CADPS: variants seen among roughly 807,000 people sequenced by gnomAD.
The protein encoded by CADPS is calcium-dependent secretion activator 1.
A neutral mutation model predicts 167.3 loss-of-function variants in CADPS; 57 were observed. That is an observed-to-expected ratio of 0.34 (90% CI 0.28 to 0.42). The LOEUF (loss-of-function observed/expected upper bound fraction) is 0.42, where lower values mean the gene tolerates loss of function less well. Ranked by LOEUF, CADPS falls within the 20% of genes least tolerant of loss-of-function variation. CADPS has a pLI of 1.00. For synonymous variants in CADPS, 676 were observed against 635.3 expected, an observed-to-expected ratio of 1.06 and a Z score of -0.96; for missense variants, 1,414 against 1,738.1, an observed-to-expected ratio of 0.81 and a Z score of 3.32.
rs970709869 is a variant in CADPS, at chr3:62,602,843, G to A, written c.1326-10095C>T. Among the ~76,000 whole-genome samples, 12 of 152,012 alleles carry A rather than the reference G, an allele frequency of 7.9e-5. No individual in the cohort carries two copies. Among genetic ancestry groups the A allele is most frequent in the Non-Finnish European group, 1.3e-4 (9 of 68,012 alleles). ...ACATCTGTTCCTCTAAGGCTTCCCC[G>A]GCTTAGTTAAAGGAACTGCCAGCCA... On this transcript the variant is annotated intron_variant, in intron 6 of 29. Transcript: ENST00000383710. The surrounding 1 kb of genome is among the most constrained non-coding windows in gnomAD (Gnocchi z 4.4).
chr3:62,528,470 A>C (rs2072856141), intron 13 of CADPS, among the ~76,000 whole-genome samples: 2 of 152,218 alleles, frequency 1.3e-5, no homozygotes, highest in African/African-American at 4.8e-5. Context: ...TCCTTATTTT[A>C]ATTAAACTTT....
intron 1 of CADPS, among the ~76,000 whole-genome samples, chr3:62,812,985 A>G (rs1259654479): frequency 1.3e-5 from 2 of 152,170 alleles, no homozygotes; most frequent in Non-Finnish European, 2.9e-5. Flanking sequence ...CACAAATGGA[A>G]AAATATTCCA....
chr3:62,398,555 A>G lies in CADPS; in HGVS notation c.*851T>C, dbSNP rs1389022858. 6.5e-6 allele frequency: 1 copy of G among 152,702 alleles called. No individual in the cohort carries two copies. Among genetic ancestry groups the G allele is most frequent in the African/African-American group, 2.4e-5 (1 of 41,470 alleles). The allele number at this position is 152,702 out of a possible 1,614,324, so 9.5% of individuals were successfully genotyped here. A position where few individuals can be genotyped will look rare whatever the true frequency, so the allele number is the denominator to read the frequency against. ...AAAACAGTGTGGAACAAAATAATTT[A>G]AATTATGGTTACAATCTACTGAAGG... On this transcript the variant is annotated 3_prime_UTR_variant, in exon 30 of 30. Transcript: ENST00000383710.
intron 7 of CADPS, 108 bp from the exon 8 acceptor site, chr3:62,585,432 T>G (rs369301044): frequency 1.5e-5 from 17 of 1,125,902 alleles, no homozygotes. Context: ...ATTCCCACTG[T>G]GGAGCAGCCA....
chr3:62,640,459 G>A lies in CADPS; in HGVS notation c.1325+5263C>T, dbSNP rs554196826. Among the ~76,000 whole-genome samples, 3 of 152,244 alleles carry A rather than the reference G, an allele frequency of 2.0e-5. 1 individual carries two copies. The South Asian group carries it at 6.2e-4, about 32-fold the overall frequency. On this transcript the variant is annotated intron_variant, in intron 6 of 29. Coordinates refer to ENST00000383710, the MANE Select transcript of CADPS (RefSeq NM_003716.4). Reference sequence around the variant, plus strand: ...ATTAGGATGAGTAATATATTTCACAGAAGAAAAATGTTACAGGAAGTTGTT... The same window carrying A: ...ATTAGGATGAGTAATATATTTCACAAAAGAAAAATGTTACAGGAAGTTGTT...
chr3:62,645,608 G>T, intron 6 of CADPS, 114 bp downstream of exon 6: 1 of 1,149,266 alleles, frequency 8.7e-7, no homozygotes, highest in Non-Finnish European at 1.2e-6. Context: ...AATAAACAAG[G>T]TTTATGTCTT....
At chr3:62,429,368 T>C (rs536338894) in intron 28 of CADPS, among the ~76,000 whole-genome samples, 1 of 152,310 alleles carries the variant, frequency 6.6e-6, no homozygotes, top group East Asian at 1.9e-4. Flanking sequence ...GGCCTGTGGA[T>C]CACATTTTGA....
intron 9 of CADPS, among the ~76,000 whole-genome samples, chr3:62,568,877 C>T (rs1446066067): frequency 1.3e-5 from 2 of 152,130 alleles, no homozygotes; most frequent in Non-Finnish European, 2.9e-5. Context: ...TCCATATATT[C>T]ATTTTTTAAA....
At position 62,687,105 on chromosome 3, in the gene CADPS, G is replaced by C. The variant is rs538878706; in HGVS notation, c.889-24711C>G. Among the ~76,000 whole-genome samples the C allele has an allele frequency of 1.5e-4, 23 of 152,264 alleles. No homozygotes were observed. In the Middle Eastern group the frequency reaches 0.024, roughly 158 times the overall value. On this transcript the variant is annotated intron_variant, in intron 3 of 29. Transcript: ENST00000383710. The stretch of plus-strand genomic sequence containing the variant: ...CCTTTATGGCCAAGGGCAAAACACC[G>C]AAAGGAGATTTGTTATGGAAGACAA...
intron 3 of CADPS, among the ~76,000 whole-genome samples, chr3:62,688,033 ATAT>A (rs1288440472): frequency 6.6e-6 from 1 of 152,092 alleles, no homozygotes. Flanking sequence ...GTGCTCAATC[ATAT>A]TATACTGGTC....
At chr3:62,621,252 A>G (rs1858383) in intron 6 of CADPS, among the ~76,000 whole-genome samples, 4,090 of 152,194 alleles carry the variant, frequency 0.027, 198 homozygotes, top group African/African-American at 0.093. Flanking sequence ...AGAGGGAAGT[A>G]CGGAGGATGG....
At chr3:62,621,783 C>G (rs746871177) in intron 6 of CADPS, among the ~76,000 whole-genome samples, 1 of 152,074 alleles carries the variant, frequency 6.6e-6, no homozygotes, top group Admixed American at 6.6e-5. Flanking sequence ...TTATTCCCCT[C>G]TATACCTCCG....
intron 3 of CADPS, among the ~76,000 whole-genome samples, chr3:62,732,027 G>A (rs772143010): frequency 2.0e-5 from 3 of 151,822 alleles, no homozygotes; most frequent in Admixed American, 6.6e-5. Context: ...AAGAGCAAAC[G>A]GCAGACCTAT....
Position 62,501,251 on chromosome 3 carries a change from TGAC to T in CADPS, c.2600-1986_2600-1984del, listed in dbSNP as rs560056553. On this transcript the variant is annotated intron_variant, in intron 17 of 29. Coordinates refer to ENST00000383710, the MANE Select transcript of CADPS (RefSeq NM_003716.4). ...AACATATATTTAGAGAAAGAGTGTA[TGAC>T]AAGATTGACTTCTGTGCTTTTGGGG... Among the ~76,000 whole-genome samples, 3 of 152,318 alleles carry T rather than the reference TGAC, an allele frequency of 2.0e-5. No individual in the cohort carries two copies. The South Asian group carries it at 6.2e-4, about 32-fold the overall frequency.
chr3:62,426,961 G>C lies in CADPS; in HGVS notation c.3777+11143C>G, dbSNP rs2052853555. 2.0e-5 allele frequency among the ~76,000 whole-genome samples: 3 copies of C among 151,776 alleles called. No homozygotes were observed. In the South Asian group the frequency reaches 6.2e-4, roughly 32 times the overall value. On this transcript the variant is annotated intron_variant, in intron 28 of 29. Coordinates refer to ENST00000383710, the MANE Select transcript of CADPS (RefSeq NM_003716.4). ...ATGGTGGCAGGCGCCTATAGTCCCAGCTACTAGGGAGGCTGAGGCAGGAGA... is the reference window on the plus strand; with the variant it reads ...ATGGTGGCAGGCGCCTATAGTCCCACCTACTAGGGAGGCTGAGGCAGGAGA...
At chr3:62,799,119 T>G (rs760091621) in intron 1 of CADPS, among the ~76,000 whole-genome samples, 2 of 152,190 alleles carry the variant, frequency 1.3e-5, no homozygotes, top group Non-Finnish European at 2.9e-5. Flanking sequence ...CTTGCCCATG[T>G]TCTCCAGGAG....
intron 9 of CADPS, among the ~76,000 whole-genome samples, chr3:62,565,362 C>T (rs936991731): frequency 1.3e-5 from 2 of 152,156 alleles, no homozygotes; most frequent in East Asian, 1.9e-4. Context: ...CCATAGAGAA[C>T]ATAAACTCTA....
chr3:62,468,067 T>C (rs2060151556), intron 24 of CADPS, among the ~76,000 whole-genome samples: 1 of 152,158 alleles, frequency 6.6e-6, no homozygotes, highest in Non-Finnish European at 1.5e-5. Flanking sequence ...CCATGTTGGC[T>C]ATACTGCTAG....
intron 7 of CADPS, among the ~76,000 whole-genome samples, chr3:62,588,021 G>A (rs1245310361): frequency 6.6e-6 from 1 of 152,198 alleles, no homozygotes; most frequent in Non-Finnish European, 1.5e-5. Context: ...GACCATGTGT[G>A]CTGCACTTTG....
Sources: allele counts gnomAD v4.1 joint callset (sites outside exome capture counted in the v4.1 genomes callset), GRCh38; gene constraint gnomAD v4.1.1; non-coding constraint Gnocchi (gnomAD v3.1); transcripts MANE v1.5; gene names NCBI Gene and HGNC (gene_info 2026-07-23, HGNC 2026-07-21).